Variants in CD247 observed in about 807,000 individuals in gnomAD.
CD247 encodes CD247 molecule.
Under a neutral mutation model 30.0 loss-of-function variants are expected in CD247, and 13 were observed. The ratio of observed to expected loss-of-function variants is 0.43; its 90% confidence interval spans 0.28 to 0.69. The LOEUF (loss-of-function observed/expected upper bound fraction) is 0.69. Ranked by LOEUF, CD247 falls within the 30% of genes least tolerant of loss-of-function variation. The probability of loss-of-function intolerance (pLI) is 0.16; values close to 1 mark genes in which losing one functional copy is unlikely to be tolerated. For synonymous variants in CD247, 72 were observed against 80.0 expected (o/e 0.90, Z 0.53); for missense variants, 193 against 212.6 (o/e 0.91, Z 0.57).
At chr1:167,465,808 A>T (rs1653222096) in intron 1 of CD247, among the ~76,000 whole-genome samples, 1 of 152,206 alleles carries the variant, frequency 6.6e-6, no homozygotes, top group African/African-American at 2.4e-5. Context: ...TTTGGAGGTC[A>T]TTGATGACTG....
intron 1 of CD247, among the ~76,000 whole-genome samples, chr1:167,446,499 G>A (rs1405828757): frequency 2.0e-5 from 3 of 152,144 alleles, no homozygotes; most frequent in Non-Finnish European, 2.9e-5. Flanking sequence ...CCGATTTCAC[G>A]GGTGCAGAGA....
intron 1 of CD247, among the ~76,000 whole-genome samples, chr1:167,498,858 C>A (rs1654797300): frequency 6.6e-6 from 1 of 152,194 alleles, no homozygotes; most frequent in Admixed American, 6.5e-5. Flanking sequence ...GAGGCACTTG[C>A]AAACCAGGGA....
chr1:167,479,892 C>T (rs928038974), intron 1 of CD247, among the ~76,000 whole-genome samples: 2 of 152,220 alleles, frequency 1.3e-5, no homozygotes, highest in Non-Finnish European at 2.9e-5. Flanking sequence ...TTTACTGCTT[C>T]GTGCCTCTCC....
intron 4 of CD247, among the ~76,000 whole-genome samples, chr1:167,438,338 T>C (rs1490796217): frequency 6.6e-6 from 1 of 152,114 alleles, no homozygotes; most frequent in East Asian, 1.9e-4. Flanking sequence ...AGCTTAGACA[T>C]GAGCAGTGGG....
intron 1 of CD247, among the ~76,000 whole-genome samples, chr1:167,441,401 C>T (rs1651825034): frequency 6.6e-6 from 1 of 152,106 alleles, no homozygotes; most frequent in South Asian, 2.1e-4. Context: ...ACAGAGGTAC[C>T]TTTGGTGCCC....
intron 4 of CD247, among the ~76,000 whole-genome samples, chr1:167,435,731 C>T (rs773904672): frequency 1.2e-4 from 18 of 152,260 alleles, no homozygotes; most frequent in African/African-American, 1.9e-4. Context: ...CACAAGCTGA[C>T]AAGTGGGACT....
chr1:167,435,493 G>C (rs1571508798), intron 4 of CD247, 59 bp from the exon 5 acceptor site: 3 of 1,409,340 alleles, frequency 2.1e-6, no homozygotes, highest in East Asian at 4.6e-5. Context: ...AGCCATGAAA[G>C]TACAGCAAAC....
chr1:167,474,385 G>A (rs942648596), intron 1 of CD247, among the ~76,000 whole-genome samples: 3 of 152,002 alleles, frequency 2.0e-5, no homozygotes, highest in African/African-American at 7.2e-5. Flanking sequence ...GGGGTTAGAG[G>A]GTGGCAGAGG....
intron 1 of CD247, among the ~76,000 whole-genome samples, chr1:167,516,138 C>T (rs1723012): frequency 0.16 from 24,448 of 152,234 alleles, 4,871 homozygotes; most frequent in African/African-American, 0.47. Context: ...GCTTTGCATT[C>T]CCCAAGGCTG....
intron 1 of CD247, among the ~76,000 whole-genome samples, chr1:167,509,670 T>A (rs1257263376): frequency 1.3e-5 from 2 of 152,204 alleles, no homozygotes; most frequent in East Asian, 3.9e-4. Flanking sequence ...TCTAGGGAAC[T>A]ATTTCTGTTG....
intron 1 of CD247, among the ~76,000 whole-genome samples, chr1:167,451,313 A>G (rs1477367794): frequency 2.0e-5 from 3 of 152,202 alleles, no homozygotes; most frequent in South Asian, 2.1e-4. Flanking sequence ...TGGTAATAAC[A>G]TTTCAAAGAA....
At chr1:167,460,213 G>A (rs528963340) in intron 1 of CD247, among the ~76,000 whole-genome samples, 2 of 151,990 alleles carry the variant, frequency 1.3e-5, no homozygotes, top group South Asian at 2.1e-4. Context: ...ACTAGCCTGG[G>A]CAACATGGCG....
At chr1:167,467,725 C>T (rs1159349919) in intron 1 of CD247, among the ~76,000 whole-genome samples, 1 of 152,168 alleles carries the variant, frequency 6.6e-6, no homozygotes, top group African/African-American at 2.4e-5. Flanking sequence ...ATGCTCTCCC[C>T]AGCCTCCTAA....
intron 1 of CD247, among the ~76,000 whole-genome samples, chr1:167,511,293 T>C (rs1052105669): frequency 7.2e-5 from 11 of 152,208 alleles, no homozygotes; most frequent in African/African-American, 2.4e-4. Context: ...ACAGGCAATT[T>C]ATTCAGGGCA....
rs903797480 is a variant in CD247 at position 167,446,194 on chromosome 1, A to T, written c.59-5427T>A. The stretch of plus-strand genomic sequence containing the variant: ...TACCTCTGATTTCACAGCCCTTGCC[A>T]TTTTGCCCACTTTTGACACTTAGTC... On this transcript the variant is annotated intron_variant, in intron 1 of 7. Coordinates refer to ENST00000362089, the MANE Select transcript of CD247 (RefSeq NM_198053.3). Among the ~76,000 whole-genome samples the T allele has an allele frequency of 2.0e-5, 3 of 151,956 alleles. No individual in the cohort carries two copies. In the East Asian group the frequency reaches 5.8e-4, roughly 29 times the overall value.
chr1:167,469,958 G>C (rs907499528), intron 1 of CD247, among the ~76,000 whole-genome samples: 2 of 151,976 alleles, frequency 1.3e-5, no homozygotes, highest in Admixed American at 1.3e-4. Context: ...TCGTCACCCA[G>C]GCTGGAGTGC....
Position 167,502,027 on chromosome 1 carries a change from C to T in CD247, c.58+16381G>A, listed in dbSNP as rs764037642. 5.3e-5 allele frequency among the ~76,000 whole-genome samples: 8 copies of T among 152,192 alleles called. No individual in the cohort carries two copies. The East Asian group carries it at 5.8e-4, about 11-fold the overall frequency. ...ATGGGAGGCACCCTCCCTTCTGACA[C>T]GCATTTATTCCATCTTCCGGAGATA... On this transcript the variant is annotated intron_variant, in intron 1 of 7. Coordinates refer to ENST00000362089, the MANE Select transcript of CD247 (RefSeq NM_198053.3).
intron 1 of CD247, among the ~76,000 whole-genome samples, chr1:167,469,773 T>C (rs61810480): frequency 0.34 from 51,717 of 152,020 alleles, 9,684 homozygotes; most frequent in Admixed American, 0.44. Context: ...CTATGGTCAC[T>C]GGGGCACAGC....
intron 1 of CD247, among the ~76,000 whole-genome samples, chr1:167,455,714 AG>A (rs1652619965): frequency 6.6e-6 from 1 of 151,798 alleles, no homozygotes; most frequent in Non-Finnish European, 1.5e-5. Flanking sequence ...ACCCGCCCCC[AG>A]GCCCCCGCGC....
Sources: allele counts gnomAD v4.1 joint callset (sites outside exome capture counted in the v4.1 genomes callset), GRCh38; gene constraint gnomAD v4.1.1; transcripts MANE v1.5; gene names NCBI Gene and HGNC (gene_info 2026-07-23, HGNC 2026-07-21).